The following WWP1 variants were observed in gnomAD, a reference collection of about 807,000 sequenced individuals.
WWP1 encodes the protein WW domain containing E3 ubiquitin protein ligase 1, also known as NEDD4-like E3 ubiquitin-protein ligase WWP1.
In WWP1, 49 loss-of-function variants were observed where a neutral mutation model predicts 130.6. The ratio of observed to expected loss-of-function variants is 0.38; its 90% CI spans 0.30 to 0.48. WWP1 has a LOEUF of 0.48. Ranked by LOEUF, WWP1 falls within the 20% of genes least tolerant of loss-of-function variation. WWP1 has a pLI of 0.99. For synonymous variants in WWP1, 332 were observed against 367.8 expected (o/e 0.90, Z 1.11); for missense variants, 809 against 1,100.6 (o/e 0.74, Z 3.75).
At chr8:86,411,235 T>C (rs1808566384) in intron 8 of WWP1, among the ~76,000 whole-genome samples, 1 of 152,182 alleles carries the variant, frequency 6.6e-6, no homozygotes. Context: ...TCAGAATTGA[T>C]GATTTGGAGG....
At chr8:86,419,031 C>G (rs1204370019) in intron 9 of WWP1, among the ~76,000 whole-genome samples, 1 of 152,166 alleles carries the variant, frequency 6.6e-6, no homozygotes, top group Non-Finnish European at 1.5e-5. Flanking sequence ...AACTCCCAGT[C>G]AGTTTTCAGT....
chr8:86,391,083 A>T (rs1807308427), intron 5 of WWP1, among the ~76,000 whole-genome samples: 1 of 152,144 alleles, frequency 6.6e-6, no homozygotes, highest in Admixed American at 6.5e-5. Flanking sequence ...TTACATATAC[A>T]TAAATAAACC....
chr8:86,390,384 C>G (rs1807234170), intron 5 of WWP1, among the ~76,000 whole-genome samples: 1 of 152,166 alleles, frequency 6.6e-6, no homozygotes, highest in African/African-American at 2.4e-5. Flanking sequence ...GATCACGCCA[C>G]TGCACTCCAG....
intron 3 of WWP1, among the ~76,000 whole-genome samples, chr8:86,376,349 A>C (rs548776295): frequency 6.6e-6 from 1 of 152,292 alleles, no homozygotes; most frequent in Admixed American, 6.5e-5. Context: ...CAGGTGGATC[A>C]CGTGAGGCCA....
intron 1 of WWP1, 98 bp downstream of exon 1, chr8:86,343,028 G>C: frequency 6.6e-6 from 2 of 301,070 alleles, no homozygotes; most frequent in Non-Finnish European, 1.2e-5. Context: ...GCCCGGCGCC[G>C]TCCGCCCCCG....
Position 86,430,680 on chromosome 8 carries a change from A to C in WWP1, c.1333-17A>C. The stretch of plus-strand genomic sequence containing the variant: ...CACTGTTATTTTATTTCTCTCCCTA[A>C]TCTTTTCTCCAATCAGGCTTCAATG... On this transcript the variant is annotated splice_polypyrimidine_tract_variant and intron_variant, in intron 11 of 24. Transcript: ENST00000517970. 6.3e-7 allele frequency: 1 copy of C among 1,577,212 alleles called. No individual in the cohort carries two copies.
At chr8:86,415,456 A>G (rs2130590334) in intron 9 of WWP1, among the ~76,000 whole-genome samples, 1 of 152,308 alleles carries the variant, frequency 6.6e-6, no homozygotes, top group East Asian at 1.9e-4. Context: ...TGAGTTGCAG[A>G]CATCAATATG....
In WWP1 at chr8:86,467,192, A is replaced by G. The variant is rs1812223310; in HGVS notation, c.*299A>G. ...CATATATGATAGTGGCTCTAGTTTT[A>G]TAGAGCTCCAAGTGTATTAAACATG... On this transcript the variant is annotated 3_prime_UTR_variant, in exon 25 of 25. Transcript: ENST00000517970. The G allele has an allele frequency of 5.0e-6, 1 of 200,464 alleles. No individual in the cohort carries two copies. The highest frequency in any genetic ancestry group is 6.2e-5 in the Admixed American group (1 of 16,020). The allele number at this position is 200,464 out of a possible 1,614,324, so 12.4% of individuals were successfully genotyped here. A position where few individuals can be genotyped will look rare whatever the true frequency, so the allele number is the denominator to read the frequency against.
chr8:86,401,302 T>C (rs575085533), intron 7 of WWP1, among the ~76,000 whole-genome samples: 110 of 152,264 alleles, frequency 7.2e-4, no homozygotes, highest in African/African-American at 2.6e-3. Context: ...GGCTCACACC[T>C]ATAATCCCAG....
chr8:86,463,215 AAAC>A (rs1294121957), intron 24 of WWP1, among the ~76,000 whole-genome samples: 2 of 152,210 alleles, frequency 1.3e-5, no homozygotes, highest in African/African-American at 4.8e-5. Context: ...ATTTTAAGGA[AAAC>A]AACAGGCATT....
At chr8:86,394,843 C>T (rs547144417) in intron 5 of WWP1, among the ~76,000 whole-genome samples, 1 of 150,704 alleles carries the variant, frequency 6.6e-6, no homozygotes, top group South Asian at 2.1e-4. Flanking sequence ...ATACTGTAAA[C>T]ACCCTCCCAC....
intron 1 of WWP1, among the ~76,000 whole-genome samples, chr8:86,344,185 T>C (rs921621907): frequency 6.6e-6 from 1 of 152,188 alleles, no homozygotes; most frequent in Admixed American, 6.5e-5. Flanking sequence ...AGTGGCCAAG[T>C]ATTGGGAGCT....
At chr8:86,410,704 CT>C (rs11422497) in intron 8 of WWP1, among the ~76,000 whole-genome samples, 45 of 137,798 alleles carry the variant, frequency 3.3e-4, no homozygotes, top group African/African-American at 7.3e-4. Context: ...CTTCTACTTA[CT>C]TTTTTTTTTT....
intron 24 of WWP1, among the ~76,000 whole-genome samples, chr8:86,464,010 A>G (rs1330151424): frequency 1.3e-5 from 2 of 152,106 alleles, no homozygotes; most frequent in Non-Finnish European, 2.9e-5. Flanking sequence ...GCAGTGATCC[A>G]TGATCACACC....
intron 1 of WWP1, among the ~76,000 whole-genome samples, chr8:86,360,576 A>T (rs1188735965): frequency 6.6e-6 from 1 of 152,312 alleles, no homozygotes; most frequent in South Asian, 2.1e-4. Flanking sequence ...AGCTTTGCTC[A>T]TAGGATGCCA....
At chr8:86,420,022 A>C (rs1259245082) in intron 9 of WWP1, among the ~76,000 whole-genome samples, 1 of 152,218 alleles carries the variant, frequency 6.6e-6, no homozygotes, top group Non-Finnish European at 1.5e-5. Context: ...CATTCTATGC[A>C]TATCCTAGGT....
At chr8:86,375,262 A>G (rs888330299) in intron 3 of WWP1, among the ~76,000 whole-genome samples, 3 of 152,102 alleles carry the variant, frequency 2.0e-5, no homozygotes, top group African/African-American at 7.2e-5. Flanking sequence ...CTATTTGGTT[A>G]TATCACCAAA....
At chr8:86,379,675 A>G (rs1303918203) in intron 3 of WWP1, among the ~76,000 whole-genome samples, 2 of 152,194 alleles carry the variant, frequency 1.3e-5, no homozygotes, top group Non-Finnish European at 2.9e-5. Flanking sequence ...TAACTTTTAT[A>G]ATGACATTTT....
At chr8:86,413,515 G>A (rs768322394) in intron 9 of WWP1, among the ~76,000 whole-genome samples, 6 of 152,144 alleles carry the variant, frequency 3.9e-5, no homozygotes, top group African/African-American at 7.2e-5. Flanking sequence ...TACCTGCGCC[G>A]TTGACGTCAA....
Sources: gnomAD v4.1 joint callset for allele counts (sites outside exome capture counted in the v4.1 genomes callset) on GRCh38, gnomAD v4.1.1 for gene constraint, MANE v1.5 for transcripts, NCBI Gene and HGNC (gene_info 2026-07-23, HGNC 2026-07-21) for gene names.